Variants in ZRANB3 observed in about 807,000 individuals in gnomAD.
ZRANB3 encodes the protein DNA annealing helicase and endonuclease ZRANB3.
A neutral mutation model predicts 133.8 loss-of-function variants in ZRANB3; 125 were observed. That is an observed-to-expected ratio of 0.93 (90% confidence interval 0.81 to 1.08). The LOEUF (loss-of-function observed/expected upper bound fraction) is 1.08. Ranked by LOEUF, ZRANB3 falls within the 50% of genes least tolerant of loss-of-function variation. ZRANB3 has a pLI of 0.00. For missense variants in ZRANB3, 1,229 were observed against 1,275.5 expected (o/e 0.96, Z 0.56); for synonymous variants, 387 against 432.7 (o/e 0.89, Z 1.31).
chr2:135,366,326 A>G (rs1000772711), intron 3 of ZRANB3, among the ~76,000 whole-genome samples: 3 of 152,184 alleles, frequency 2.0e-5, no homozygotes, highest in Non-Finnish European at 4.4e-5. Flanking sequence ...TAAGAAAAGT[A>G]CAAATTAACT....
At chr2:135,454,919 C>A (rs138940958) in intron 2 of ZRANB3, among the ~76,000 whole-genome samples, 2 of 152,222 alleles carry the variant, frequency 1.3e-5, no homozygotes, top group African/African-American at 4.8e-5. Flanking sequence ...TGCGCTACTA[C>A]AATTTAGAAT....
At chr2:135,287,854 G>C (rs1265922881) in intron 8 of ZRANB3, among the ~76,000 whole-genome samples, 1 of 151,792 alleles carries the variant, frequency 6.6e-6, no homozygotes, top group Non-Finnish European at 1.5e-5. Flanking sequence ...AGGGTTTTCT[G>C]GGTATACGAT....
rs186799539 is a variant in ZRANB3 at position 135,250,362 on chromosome 2, T to C, written c.1539+15172A>G. 5.7e-4 allele frequency among the ~76,000 whole-genome samples: 87 copies of C among 152,312 alleles called. 1 individual carries two copies. Among genetic ancestry groups the C allele is most frequent in the Non-Finnish European group, 5.4e-4 (37 of 68,024 alleles). Reference sequence around the variant, plus strand: ...GTTTGGAAAATTTGCAGCCTGACTATGTGACAGAAAAGAAAACTTCTCGGG... The same window carrying C: ...GTTTGGAAAATTTGCAGCCTGACTACGTGACAGAAAAGAAAACTTCTCGGG... On this transcript the variant is annotated intron_variant, in intron 12 of 20. Transcript: ENST00000264159.
intron 5 of ZRANB3, among the ~76,000 whole-genome samples, chr2:135,348,892 C>T (rs889143267): frequency 6.6e-6 from 1 of 152,088 alleles, no homozygotes; most frequent in Non-Finnish European, 1.5e-5. Flanking sequence ...CTGAGTCCAG[C>T]CGACTCTCTG....
intron 11 of ZRANB3, among the ~76,000 whole-genome samples, chr2:135,266,666 G>A (rs1680265013): frequency 1.3e-5 from 2 of 151,766 alleles, no homozygotes; most frequent in African/African-American, 4.8e-5. Context: ...TCAGGAGGCT[G>A]AGGCAGGAGA....
intron 8 of ZRANB3, among the ~76,000 whole-genome samples, chr2:135,296,537 A>G (rs963711348): frequency 6.6e-6 from 1 of 151,400 alleles, no homozygotes; most frequent in Admixed American, 6.6e-5. Context: ...TTCCTCCTTT[A>G]GCTCTGAGTA....
chr2:135,220,854 A>ATTTTTTTTTTTTTTTTTTTTTT lies in ZRANB3; in HGVS notation c.2251-1677_2251-1676insAAAAAAAAAAAAAAAAAAAAAA, dbSNP rs199874707. On this transcript the variant is annotated intron_variant, in intron 15 of 20. Transcript: ENST00000264159. ...TATCCTTTTAGGCAGTGAACTAGGA[A>ATTTTTTTTTTTTTTTTTTTTTT]TTTATTTTTTTTTTTTTTTTGAGAC... Among the ~76,000 whole-genome samples, 3 of 144,892 alleles carry ATTTTTTTTTTTTTTTTTTTTTT rather than the reference A, an allele frequency of 2.1e-5. 1 individual carries two copies. The highest frequency in any genetic ancestry group is 5.4e-5 in the African/African-American group (2 of 36,708).
chr2:135,291,642 C>T (rs868711313), intron 8 of ZRANB3, among the ~76,000 whole-genome samples: 142 of 151,664 alleles, frequency 9.4e-4, no homozygotes, highest in African/African-American at 3.0e-3. Context: ...ATGTGCACAA[C>T]ATACAGGTTT....
At chr2:135,293,427 A>G (rs1265694919) in intron 8 of ZRANB3, among the ~76,000 whole-genome samples, 2 of 152,004 alleles carry the variant, frequency 1.3e-5, no homozygotes, top group Non-Finnish European at 2.9e-5. Context: ...AATGCTTGTG[A>G]TTTTTGCACA....
At chr2:135,417,422 C>A (rs1279807546) in intron 2 of ZRANB3, among the ~76,000 whole-genome samples, 1 of 152,000 alleles carries the variant, frequency 6.6e-6, no homozygotes, top group Non-Finnish European at 1.5e-5. Flanking sequence ...TACCATCTCA[C>A]ACCAGTTAGA....
chr2:135,389,577 C>T (rs528519869), intron 3 of ZRANB3, among the ~76,000 whole-genome samples: 106 of 151,844 alleles, frequency 7.0e-4, no homozygotes, highest in African/African-American at 2.3e-3. Context: ...TGGTGGTGCG[C>T]GCCTGTAGTC....
intron 1 of ZRANB3, among the ~76,000 whole-genome samples, chr2:135,519,057 T>C (rs1693813259): frequency 6.6e-6 from 1 of 152,164 alleles, no homozygotes; most frequent in Admixed American, 6.5e-5. Context: ...TTTATTCCAT[T>C]TACACGACCT....
At chr2:135,354,664 A>C (rs1685353196) in intron 3 of ZRANB3, among the ~76,000 whole-genome samples, 1 of 152,244 alleles carries the variant, frequency 6.6e-6, no homozygotes, top group Admixed American at 6.5e-5. Flanking sequence ...TAAGTGAAAG[A>C]AGCCAGATTC....
intron 6 of ZRANB3, among the ~76,000 whole-genome samples, chr2:135,335,757 T>C (rs941028728): frequency 3.3e-5 from 5 of 152,046 alleles, no homozygotes; most frequent in Non-Finnish European, 2.9e-5. Context: ...GGACGACCAA[T>C]ATGTCTTCTC....
intron 2 of ZRANB3, among the ~76,000 whole-genome samples, chr2:135,421,337 A>T (rs1174811639): frequency 6.6e-6 from 1 of 152,172 alleles, no homozygotes; most frequent in Non-Finnish European, 1.5e-5. Flanking sequence ...AAAACCCTAT[A>T]ACTCAGATCC....
chr2:135,353,453 A>T lies in ZRANB3; in HGVS notation c.356T>A (p.Val119Asp). 6.3e-7 allele frequency: 1 copy of T among 1,575,158 alleles called. No homozygotes were observed. The highest frequency in any genetic ancestry group is 8.6e-7 in the Non-Finnish European group (1 of 1,162,552). ...EINVIQNKTD[V>D]RRMSTSKVTV... ...AATATTAAACAGTTGTTCTTACCTA[A>T]CATCAGTTTTATTCTGAATAACATT... Residue 119 changes from valine to aspartate, a missense_variant, in exon 4 of 21, where the codon GTT becomes GAT. Transcript: ENST00000264159.
At chr2:135,209,735 C>T (rs574595287) in intron 17 of ZRANB3, among the ~76,000 whole-genome samples, 2 of 152,140 alleles carry the variant, frequency 1.3e-5, no homozygotes, top group South Asian at 4.2e-4. Flanking sequence ...GTGGTTTACA[C>T]CTATTGTAGA....
At chr2:135,527,776 A>T (rs1694221965) in intron 1 of ZRANB3, among the ~76,000 whole-genome samples, 1 of 152,226 alleles carries the variant, frequency 6.6e-6, no homozygotes. Context: ...AAAAAAGCAA[A>T]GCATTATATC....
intron 2 of ZRANB3, among the ~76,000 whole-genome samples, chr2:135,441,551 CAT>C (rs1027894192): frequency 2.6e-5 from 4 of 151,880 alleles, no homozygotes; most frequent in Non-Finnish European, 4.4e-5. Flanking sequence ...CATGCATACA[CAT>C]ATTTTTCTTT....
Sources: allele counts gnomAD v4.1 joint callset (sites outside exome capture counted in the v4.1 genomes callset), GRCh38; gene constraint gnomAD v4.1.1; transcripts MANE v1.5; gene names NCBI Gene and HGNC (gene_info 2026-07-23, HGNC 2026-07-21).